The following LPCAT3 variants were observed in gnomAD, a reference collection of about 807,000 sequenced individuals.
LPCAT3 encodes the protein lysophospholipid acyltransferase 5.
A neutral mutation model predicts 63.4 loss-of-function variants in LPCAT3; 21 were observed. That is an observed-to-expected ratio of 0.33 (90% CI 0.23 to 0.48). LPCAT3 has a LOEUF of 0.48. LPCAT3 is among the 20% of genes least tolerant of loss of function. LPCAT3 has a pLI of 0.99. For missense variants in LPCAT3, 451 were observed against 590.6 expected, an observed-to-expected ratio of 0.76 and a Z score of 2.45; for synonymous variants, 242 against 227.5, an observed-to-expected ratio of 1.06 and a Z score of -0.58.
At chr12:6,988,607 G>A (rs781920205) in intron 1 of LPCAT3, among the ~76,000 whole-genome samples, 2 of 152,186 alleles carry the variant, frequency 1.3e-5, no homozygotes, top group East Asian at 1.9e-4. Context: ...AAAAATGACC[G>A]AAGCCCCTTC....
rs751856947 is a variant in LPCAT3 at position 6,979,592 on chromosome 12, G to C, written c.678-13C>G. ...AGCAGGAATGATGCTGGAAAGGAACGAGTGAAGTTCCTGGTCACAGAGAGC... is the reference window on the plus strand; with the variant it reads ...AGCAGGAATGATGCTGGAAAGGAACCAGTGAAGTTCCTGGTCACAGAGAGC... On this transcript the variant is annotated splice_polypyrimidine_tract_variant and intron_variant, in intron 6 of 12. Coordinates refer to ENST00000261407, the MANE Select transcript of LPCAT3 (RefSeq NM_005768.6). The C allele has an allele frequency of 6.4e-7, 1 of 1,555,068 alleles. No individual in the cohort carries two copies. The highest frequency in any genetic ancestry group is 1.4e-5 in the African/African-American group (1 of 73,840).
chr12:7,003,958 C>T (rs957876770), intron 1 of LPCAT3, among the ~76,000 whole-genome samples: 18 of 151,198 alleles, frequency 1.2e-4, no homozygotes, highest in Admixed American at 3.3e-4. Flanking sequence ...AAAGAATTAC[C>T]TAGGATGCTT....
Position 6,987,925 on chromosome 12 carries a change from T to C in LPCAT3, c.152-4386A>G, listed in dbSNP as rs1946544214. ...GTGTCCACTTCTTATAGCCTGTCTG[T>C]CCCTTTCCTTGCTACTCTGGGATCA... On this transcript the variant is annotated intron_variant, in intron 1 of 12. Transcript: ENST00000261407. The surrounding 1 kb of genome is among the most constrained non-coding windows in gnomAD (Gnocchi z 4.1). 2.5e-6 allele frequency: 1 copy of C among 399,884 alleles called. No individual in the cohort carries two copies. The highest frequency in any genetic ancestry group is 4.4e-6 in the Non-Finnish European group (1 of 225,882). 24.8% of individuals were successfully genotyped at this position (399,884 alleles called of 1,614,324 possible).
Position 6,977,063 on chromosome 12 carries a change from A to C in LPCAT3, c.*12+71T>G. ...GAATTCACCCCAGATTTCTAATACT[A>C]TTGTTTTTTTCCAGTCTGTTGCTCT... On this transcript the variant is annotated intron_variant, in intron 12 of 12. Coordinates refer to ENST00000261407, the MANE Select transcript of LPCAT3 (RefSeq NM_005768.6). This position sits in a 1 kb window ranked among gnomAD's most constrained non-coding sequence, Gnocchi z 4.5. The C allele has an allele frequency of 1.1e-6, 1 of 944,218 alleles. No homozygotes were observed. The highest frequency in any genetic ancestry group is 1.7e-6 in the Non-Finnish European group (1 of 585,154). The allele number at this position is 944,218 out of a possible 1,614,324, so 58.5% of individuals were successfully genotyped here.
chr12:7,005,602 T>C (rs1304825018), intron 1 of LPCAT3, among the ~76,000 whole-genome samples: 1 of 152,222 alleles, frequency 6.6e-6, no homozygotes, highest in Non-Finnish European at 1.5e-5. Context: ...CAACATCTGT[T>C]TGTGTGTTTT....
At chr12:6,997,640 G>A (rs1946649687) in intron 1 of LPCAT3, among the ~76,000 whole-genome samples, 1 of 150,384 alleles carries the variant, frequency 6.6e-6, no homozygotes, top group Admixed American at 6.7e-5. Flanking sequence ...AGGCTGGAGT[G>A]CAATGGCGTG....
chr12:6,999,769 C>A (rs1946668498), intron 1 of LPCAT3, among the ~76,000 whole-genome samples: 1 of 152,148 alleles, frequency 6.6e-6, no homozygotes, highest in Non-Finnish European at 1.5e-5. Flanking sequence ...ATCACACTTG[C>A]CTGTACTCAG....
intron 1 of LPCAT3, among the ~76,000 whole-genome samples, chr12:6,995,473 CAA>C (rs781835863): frequency 1.2e-4 from 15 of 126,480 alleles, no homozygotes; most frequent in African/African-American, 1.7e-4. Flanking sequence ...GACTCCGTCT[CAA>C]AAAAAAAAAA....
chr12:6,980,847 G>A (rs987523000), intron 6 of LPCAT3, 157 bp downstream of exon 6: 6 of 566,340 alleles, frequency 1.1e-5, no homozygotes, highest in Admixed American at 3.2e-5. Flanking sequence ...ACTAAAAAGG[G>A]CCCACTCCTG....
intron 1 of LPCAT3, among the ~76,000 whole-genome samples, chr12:7,012,704 G>A (rs914612099): frequency 2.0e-5 from 3 of 151,988 alleles, no homozygotes; most frequent in Non-Finnish European, 4.4e-5. Context: ...CTTCTTTCCT[G>A]AGCTCAAGAC....
At position 6,977,522 on chromosome 12, in the gene LPCAT3, C is replaced by A. The variant is rs782758885; in HGVS notation, c.1192G>T (p.Ala398Ser). Residue 398 changes from alanine to serine, a missense_variant, in exon 11 of 13, where the codon GCC (alanine) becomes TCC (serine). By Grantham distance (99) the Ala-to-Ser change is moderately conservative. This residue lies in a region of LPCAT3 where 304 missense variants were observed against 390.8 expected (regional missense o/e 0.78). Transcript: ENST00000261407. The surrounding 1 kb of genome is among the most constrained non-coding windows in gnomAD (Gnocchi z 4.5). The stretch of plus-strand genomic sequence containing the variant: ...GTGGGGCTCTCTTGAATGAGCCTGG[C>A]AGCCTGGGGAGGGAGGAGGAGCTCA... ...FLIVIVERQA[A>S]RLIQESPTLS... The A allele has an allele frequency of 1.2e-5, 19 of 1,614,064 alleles. No homozygotes were observed. The highest frequency in any genetic ancestry group is 1.6e-5 in the Non-Finnish European group (19 of 1,180,048).
intron 7 of LPCAT3, chr12:6,978,967 T>G: frequency 4.7e-6 from 2 of 426,356 alleles, no homozygotes. Flanking sequence ...GTGTTTGGAA[T>G]GAGCATTTGG....
rs74644099 is a variant in LPCAT3, at chr12:6,979,000, A to G, written c.787-311T>C. 2.3e-3 allele frequency: 788 copies of G among 337,126 alleles called. 15 individuals are homozygous for G. The East Asian group carries it at 0.041, about 17-fold the overall frequency. The allele number at this position is 337,126 out of a possible 1,614,324, so 20.9% of individuals were successfully genotyped here. A position where few individuals can be genotyped will look rare whatever the true frequency, so the allele number is the denominator to read the frequency against. On this transcript the variant is annotated intron_variant, in intron 7 of 12. Transcript: ENST00000261407. ...TGGAATGTTAAGTACAGAGGGGCCCATATTGGATTTTAATTTAAGGAGAGA... is the reference window on the plus strand; with the variant it reads ...TGGAATGTTAAGTACAGAGGGGCCCGTATTGGATTTTAATTTAAGGAGAGA...
intron 1 of LPCAT3, among the ~76,000 whole-genome samples, chr12:7,007,112 C>T (rs1434297478): frequency 1.3e-5 from 2 of 151,896 alleles, no homozygotes; most frequent in African/African-American, 2.4e-5. Context: ...GGCGCGATCT[C>T]GGCTCACTGC....
chr12:6,989,774 C>T (rs781923522), intron 1 of LPCAT3, among the ~76,000 whole-genome samples: 4 of 152,116 alleles, frequency 2.6e-5, no homozygotes, highest in Non-Finnish European at 2.9e-5. Flanking sequence ...GCATTGTTAG[C>T]GGGAACGTTT....
intron 1 of LPCAT3, among the ~76,000 whole-genome samples, chr12:7,008,461 G>C (rs1946741270): frequency 6.6e-6 from 1 of 152,110 alleles, no homozygotes; most frequent in South Asian, 2.1e-4. Context: ...CCTAATTTTT[G>C]TTAAAGCTAC....
chr12:7,010,810 G>A (rs138080946), intron 1 of LPCAT3, among the ~76,000 whole-genome samples: 71 of 152,072 alleles, frequency 4.7e-4, no homozygotes, highest in African/African-American at 1.6e-3. Flanking sequence ...AAGACATTGG[G>A]GTATAGATAA....
At chr12:6,981,310 A>T in intron 5 of LPCAT3, 128 bp from the exon 6 acceptor site, 1 of 775,420 alleles carries the variant, frequency 1.3e-6, no homozygotes, top group Non-Finnish European at 2.1e-6. Context: ...TTGGGGGATG[A>T]CAAATAGTTG....
At chr12:6,982,291 G>A (rs1555154209) in intron 3 of LPCAT3, among the ~76,000 whole-genome samples, 3 of 152,120 alleles carry the variant, frequency 2.0e-5, no homozygotes, top group African/African-American at 7.2e-5. Context: ...TGACTGCCTT[G>A]GCCTCCCAAG....
Sources: gnomAD v4.1 joint callset for allele counts (sites outside exome capture counted in the v4.1 genomes callset) on GRCh38, gnomAD v4.1.1 for gene constraint, gnomAD v4.1.1 regional missense constraint, Gnocchi (gnomAD v3.1) non-coding constraint, MANE v1.5 for transcripts, NCBI Gene and HGNC (gene_info 2026-07-23, HGNC 2026-07-21) for gene names.